LARS2: variants seen among roughly 807,000 people sequenced by gnomAD.
LARS2 encodes the protein leucyl-tRNA synthetase 2, mitochondrial.
A neutral mutation model predicts 116.6 loss-of-function variants in LARS2; 81 were observed. That is an observed-to-expected ratio of 0.69 (90% CI 0.58 to 0.84). The LOEUF (loss-of-function observed/expected upper bound fraction) is 0.84. LARS2 is among the 40% of genes least tolerant of loss of function. The pLI is 0.00. For synonymous variants in LARS2, 396 were observed against 407.2 expected, an observed-to-expected ratio of 0.97 and a Z score of 0.33; for missense variants, 968 against 1,114.5, an observed-to-expected ratio of 0.87 and a Z score of 1.87.
intron 1 of LARS2, among the ~76,000 whole-genome samples, chr3:45,389,872 G>A (rs889831547): frequency 3.3e-5 from 5 of 152,162 alleles, no homozygotes; most frequent in Non-Finnish European, 5.9e-5. Context: ...TACTTGGAGT[G>A]GCCAAGAACA....
chr3:45,464,425 G>T (rs1465136342), intron 8 of LARS2, among the ~76,000 whole-genome samples: 1 of 152,180 alleles, frequency 6.6e-6, no homozygotes, highest in African/African-American at 2.4e-5. Flanking sequence ...CTGCCCTCTA[G>T]AAATTGGGCC....
At chr3:45,515,945 G>A in intron 16 of LARS2, 149 bp from the exon 17 acceptor site, 1 of 601,284 alleles carries the variant, frequency 1.7e-6, no homozygotes, top group Non-Finnish European at 2.9e-6. Flanking sequence ...ACAATACAGA[G>A]GGAGAGAAAG....
intron 4 of LARS2, 47 bp downstream of exon 4, chr3:45,400,420 G>T (rs757303729): frequency 6.4e-7 from 1 of 1,557,330 alleles, no homozygotes; most frequent in South Asian, 1.2e-5. Flanking sequence ...CCACACGCAG[G>T]GTTGGCATGT....
chr3:45,496,444 G>T, intron 14 of LARS2, 71 bp downstream of exon 14: 1 of 1,090,002 alleles, frequency 9.2e-7, no homozygotes, highest in South Asian at 1.3e-5. Flanking sequence ...GACCAAGATG[G>T]AATTAGACAT....
intron 6 of LARS2, among the ~76,000 whole-genome samples, chr3:45,444,228 T>C (rs1330006944): frequency 6.8e-6 from 1 of 146,944 alleles, no homozygotes; most frequent in Admixed American, 6.8e-5. Context: ...TTAGCGAGGA[T>C]GGTCTCAATC....
At chr3:45,452,428 T>C (rs939187036) in intron 7 of LARS2, among the ~76,000 whole-genome samples, 14 of 152,100 alleles carry the variant, frequency 9.2e-5, no homozygotes, top group African/African-American at 3.4e-4. Context: ...TATTGAATGC[T>C]TTTTTAGCAT....
chr3:45,538,128 G>A (rs149702246), intron 20 of LARS2, among the ~76,000 whole-genome samples: 5 of 152,330 alleles, frequency 3.3e-5, no homozygotes, highest in Admixed American at 1.3e-4. Flanking sequence ...AGGCGAAAAC[G>A]CTACATAAAA....
intron 8 of LARS2, among the ~76,000 whole-genome samples, chr3:45,465,735 A>G (rs968410254): frequency 2.6e-5 from 4 of 152,200 alleles, no homozygotes; most frequent in Non-Finnish European, 5.9e-5. Context: ...GTACAGAGAC[A>G]GTACAGGCCA....
At chr3:45,426,088 G>T (rs1559464895) in intron 6 of LARS2, among the ~76,000 whole-genome samples, 1 of 151,906 alleles carries the variant, frequency 6.6e-6, no homozygotes, top group Non-Finnish European at 1.5e-5. Flanking sequence ...AGCACGATTT[G>T]TATGATTACA....
chr3:45,541,716 G>C, intron 20 of LARS2, 113 bp from the exon 21 acceptor site: 8 of 1,369,682 alleles, frequency 5.8e-6, no homozygotes, highest in Non-Finnish European at 7.9e-6. Flanking sequence ...GCTTCCCACC[G>C]GCTCCTCACA....
rs1375645374 is a variant in LARS2, at chr3:45,400,281, C to G, written c.271C>G (p.Pro91Ala). 4 of 1,613,646 alleles carry G rather than the reference C, an allele frequency of 2.5e-6. No individual in the cohort carries two copies. Residue 91 changes from proline to alanine, a missense_variant, in exon 4 of 22, where the codon CCT becomes GCT. Pro to Ala is a conservative substitution (Grantham distance 27). Coordinates refer to ENST00000645846, the MANE Select transcript of LARS2 (RefSeq NM_015340.4). ...AAAATTTTACGTGCTTTCCATGTTCCCTTATCCTTCTGGTAAGCTGCACAT... is the reference window on the plus strand; with the variant it reads ...AAAATTTTACGTGCTTTCCATGTTCGCTTATCCTTCTGGTAAGCTGCACAT... The part of the protein sequence containing the change: ...KPKFYVLSMF[P>A]YPSGKLHMGH...
At chr3:45,539,021 C>G (rs1700752013) in intron 20 of LARS2, among the ~76,000 whole-genome samples, 1 of 152,198 alleles carries the variant, frequency 6.6e-6, no homozygotes, top group East Asian at 1.9e-4. Flanking sequence ...CAGAAGTGAA[C>G]AGTTTTTGAA....
chr3:45,479,058 A>T lies in LARS2; in HGVS notation c.1018+2431A>T, dbSNP rs574730670. Among the ~76,000 whole-genome samples, 347 of 152,100 alleles carry T rather than the reference A, an allele frequency of 2.3e-3. 3 individuals carry two copies. The highest frequency in any genetic ancestry group is 7.8e-3 in the African/African-American group (325 of 41,512). On this transcript the variant is annotated intron_variant, in intron 10 of 21. Transcript: ENST00000645846. Reference sequence around the variant, plus strand: ...AGCAGTGACCACCGAGTGTCATGGCAGCACACAGTTGTGACTAAATTTATC... The same window carrying T: ...AGCAGTGACCACCGAGTGTCATGGCTGCACACAGTTGTGACTAAATTTATC...
chr3:45,394,798 A>C, intron 3 of LARS2, 111 bp downstream of exon 3: 1 of 688,010 alleles, frequency 1.5e-6, no homozygotes, highest in Non-Finnish European at 2.5e-6. Flanking sequence ...CCTTGAACCA[A>C]ATTGTTGAAT....
chr3:45,516,927 C>T (rs1700376614), intron 17 of LARS2, among the ~76,000 whole-genome samples: 1 of 152,212 alleles, frequency 6.6e-6, no homozygotes, highest in Admixed American at 6.5e-5. Context: ...ACCCGTCCAA[C>T]AGTCATTCAT....
At chr3:45,446,847 A>G (rs1699028044) in intron 6 of LARS2, 44 bp from the exon 7 acceptor site, 3 of 1,141,594 alleles carry the variant, frequency 2.6e-6, no homozygotes, top group South Asian at 1.3e-5. Flanking sequence ...GGCTGGGGGG[A>G]TGTTTATAAT....
chr3:45,541,992 C>G lies in LARS2; in HGVS notation c.2532+36C>G. 1.2e-6 allele frequency: 2 copies of G among 1,610,216 alleles called. 1 individual carries two copies. The highest frequency in any genetic ancestry group is 4.5e-5 in the East Asian group (2 of 44,802). Reference sequence around the variant, plus strand: ...CCCCTCAACCCCAGAACCCAGCAGTCCCTGCCCTGCTGGTGGCCCCTAAAT... The same window carrying G: ...CCCCTCAACCCCAGAACCCAGCAGTGCCTGCCCTGCTGGTGGCCCCTAAAT... On this transcript the variant is annotated intron_variant, in intron 21 of 21. Transcript: ENST00000645846.
At chr3:45,505,841 G>A (rs1348135257) in intron 15 of LARS2, among the ~76,000 whole-genome samples, 1 of 152,036 alleles carries the variant, frequency 6.6e-6, no homozygotes, top group East Asian at 1.9e-4. Context: ...TTATTCAATG[G>A]CCAAGTATCC....
At chr3:45,442,144 G>A (rs776133331) in intron 6 of LARS2, among the ~76,000 whole-genome samples, 12 of 152,190 alleles carry the variant, frequency 7.9e-5, no homozygotes, top group Non-Finnish European at 1.6e-4. Flanking sequence ...TAACGTAGGC[G>A]TTGGCTTATT....
Sources: gnomAD v4.1 joint callset for allele counts (sites outside exome capture counted in the v4.1 genomes callset) on GRCh38, gnomAD v4.1.1 for gene constraint, MANE v1.5 for transcripts, NCBI Gene and HGNC (gene_info 2026-07-23, HGNC 2026-07-21) for gene names.